QRSL1: variants seen among roughly 807,000 people sequenced by gnomAD.
QRSL1 encodes glutamyl-tRNA(Gln) amidotransferase subunit A, mitochondrial.
In QRSL1, 54 loss-of-function variants were observed where a neutral mutation model predicts 61.6. The ratio of observed to expected loss-of-function variants is 0.88; its 90% confidence interval spans 0.70 to 1.10. The LOEUF (loss-of-function observed/expected upper bound fraction) is 1.10. Ranked by LOEUF, QRSL1 falls within the 50% of genes least tolerant of loss-of-function variation. The pLI, the probability that QRSL1 is intolerant of heterozygous loss-of-function variation, is 0.00. For missense variants in QRSL1, 505 were observed against 622.6 expected (o/e 0.81, Z 2.01); for synonymous variants, 228 against 225.7 (o/e 1.01, Z -0.09).
chr6:106,644,607 G>A (rs1373840520), intron 4 of QRSL1, among the ~76,000 whole-genome samples: 2 of 152,008 alleles, frequency 1.3e-5, no homozygotes, highest in African/African-American at 4.8e-5. Context: ...TACAACCTCC[G>A]CCTCCCAGGT....
Position 106,652,207 on chromosome 6 carries a change from A to G in QRSL1, c.558-2A>G. On this transcript the variant is annotated splice_acceptor_variant, in intron 5 of 10. Coordinates refer to ENST00000369046, the MANE Select transcript of QRSL1 (RefSeq NM_018292.5). LOFTEE classifies it high-confidence loss of function. ...CTAAAGATAATTCCATTTAAATTCCAGGGCTTTAGGATCAGATACAGGAGG... is the reference window on the plus strand; with the variant it reads ...CTAAAGATAATTCCATTTAAATTCCGGGGCTTTAGGATCAGATACAGGAGG... The G allele has an allele frequency of 6.2e-7, 1 of 1,606,688 alleles. No homozygotes were observed. Among genetic ancestry groups the G allele is most frequent in the Non-Finnish European group, 8.5e-7 (1 of 1,176,366 alleles).
At chr6:106,651,619 G>C (rs1272927466) in intron 5 of QRSL1, among the ~76,000 whole-genome samples, 1 of 152,040 alleles carries the variant, frequency 6.6e-6, no homozygotes, top group Admixed American at 6.6e-5. Flanking sequence ...ATTCTAGTTA[G>C]AAACAACGTA....
At chr6:106,649,641 G>GA (rs1211417183) in intron 5 of QRSL1, among the ~76,000 whole-genome samples, 1 of 151,942 alleles carries the variant, frequency 6.6e-6, no homozygotes, top group Non-Finnish European at 1.5e-5. Context: ...TGAAAAAAAA[G>GA]AAAAAATGCT....
Position 106,654,886 on chromosome 6 carries a change from G to A in QRSL1, c.1006G>A (p.Ala336Thr). 1 of 1,609,166 alleles carries A rather than the reference G, an allele frequency of 6.2e-7. No individual in the cohort carries two copies. The change falls in exon 8 of 11, where the codon GCA (alanine) becomes ACA (threonine). Residue 336 changes from alanine (A) to threonine (T), a missense_variant. Physicochemically the swap from Ala to Thr is moderately conservative, Grantham distance 58. Coordinates refer to ENST00000369046, the MANE Select transcript of QRSL1 (RefSeq NM_018292.5). The part of the protein sequence containing the change: ...CYHVLCTSEV[A>T]SNMARFDGLQ... ...CCATGTATTGTGCACATCAGAAGTGGCATCGAATATGGCAAGATTTGATGG... is the reference window on the plus strand; with the variant it reads ...CCATGTATTGTGCACATCAGAAGTGACATCGAATATGGCAAGATTTGATGG...
At position 106,631,151 on chromosome 6, in the gene QRSL1, G is replaced by A. The variant is rs370531057; in HGVS notation, c.24+1446G>A. ...TGAGGCAGGAGAATGGCGTGAACCC[G>A]GGAGGCGGAGCTTGCAGTGAGCCAA... On this transcript the variant is annotated intron_variant, in intron 1 of 10. Transcript: ENST00000369046. Among the ~76,000 whole-genome samples the A allele has an allele frequency of 2.6e-5, 4 of 151,992 alleles. No homozygotes were observed. In the East Asian group the frequency reaches 5.8e-4, roughly 22 times the overall value.
chr6:106,654,754 A>T lies in QRSL1; in HGVS notation c.874A>T (p.Ser292Cys). ...GGAATATCTTGTACCGGAATTATCA[A>T]GTGAAGTACAGTCTCTTTGGTCCAA... The part of the protein sequence containing the change: ...PKEYLVPELS[S>C]EVQSLWSKAA... Residue 292 changes from serine (S) to cysteine (C), a missense_variant, in exon 8 of 11, where the codon AGT becomes TGT. Transcript: ENST00000369046. The T allele has an allele frequency of 1.2e-6, 2 of 1,609,832 alleles. No homozygotes were observed. The highest frequency in any genetic ancestry group is 1.7e-6 in the Non-Finnish European group (2 of 1,179,150).
In QRSL1 at chr6:106,657,594, A is replaced by G. The variant is rs538258905; in HGVS notation, c.1160+1862A>G. On this transcript the variant is annotated intron_variant, in intron 9 of 10. Transcript: ENST00000369046. Reference sequence around the variant, plus strand: ...AGTTAAAATTACTGCTGGTATCCCTAGCTCCTGAGTCAGTGCCAAGTTGGG... The same window carrying G: ...AGTTAAAATTACTGCTGGTATCCCTGGCTCCTGAGTCAGTGCCAAGTTGGG... 2.0e-5 allele frequency among the ~76,000 whole-genome samples: 3 copies of G among 152,348 alleles called. No individual in the cohort carries two copies. The South Asian group carries it at 6.2e-4, about 32-fold the overall frequency.
At chr6:106,665,755 A>AC (rs1777422466) in intron 10 of QRSL1, 27 bp from the exon 11 acceptor site, 1 of 1,585,294 alleles carries the variant, frequency 6.3e-7, no homozygotes, top group South Asian at 1.1e-5. Context: ...AGAATTAATC[A>AC]CCTACTGGGT....
chr6:106,662,748 A>G (rs1311690421), intron 9 of QRSL1, among the ~76,000 whole-genome samples: 2 of 152,182 alleles, frequency 1.3e-5, no homozygotes, highest in Non-Finnish European at 2.9e-5. Flanking sequence ...GCTCTGCTTC[A>G]TCCCCAAACT....
intron 7 of QRSL1, chr6:106,652,817 C>T (rs1777210602): frequency 1.4e-6 from 2 of 1,409,398 alleles, no homozygotes; most frequent in Non-Finnish European, 1.9e-6. Flanking sequence ...CATGTTAAGT[C>T]TGTAAATTGT....
chr6:106,634,290 G>A (rs1562163342), intron 1 of QRSL1, among the ~76,000 whole-genome samples: 1 of 152,204 alleles, frequency 6.6e-6, no homozygotes, highest in African/African-American at 2.4e-5. Flanking sequence ...AGGTTAGGGA[G>A]ACAGGTAGGA....
Position 106,667,707 on chromosome 6 carries a change from A to G in QRSL1, c.*1705A>G, listed in dbSNP as rs1777464092. The stretch of plus-strand genomic sequence containing the variant: ...ATACTCAACCTGATTAACTTCACAT[A>G]AAAGTCTTATGTGCCAGGCTTAGTA... On this transcript the variant is annotated 3_prime_UTR_variant, in exon 11 of 11. Transcript: ENST00000369046. 3 of 152,228 alleles carry G rather than the reference A, an allele frequency of 2.0e-5. No homozygotes were observed. The highest frequency in any genetic ancestry group is 4.2e-4 in the South Asian group (2 of 4,816). 9.4% of individuals were successfully genotyped at this position (152,228 alleles called of 1,614,324 possible). A position where few individuals can be genotyped will look rare whatever the true frequency, so the allele number is the denominator to read the frequency against.
chr6:106,642,961 T>TA (rs761439533), intron 3 of QRSL1, 33 bp from the exon 4 acceptor site: 84 of 1,417,154 alleles, frequency 5.9e-5, no homozygotes, highest in East Asian at 2.7e-4. Context: ...TTCTGGACTG[T>TA]AAAAAAAATA....
rs1777382383 is a variant in QRSL1, at chr6:106,663,074, C to G, written c.1255C>G (p.Leu419Val). Residue 419 changes from leucine to valine, a missense_variant, in exon 10 of 11, where the codon CTA becomes GTA. Physicochemically the swap from Leu to Val is conservative, Grantham distance 32. Transcript: ENST00000369046. ...TTTTAACTCTGGAGTAGATGTCTTG[C>G]TAACTCCCACCACCTTGAGTGAGGC... The part of the protein sequence containing the change: ...NAFNSGVDVL[L>V]TPTTLSEAVP... 1 of 1,613,008 alleles carries G rather than the reference C, an allele frequency of 6.2e-7. No individual in the cohort carries two copies. Among genetic ancestry groups the G allele is most frequent in the African/African-American group, 1.3e-5 (1 of 74,888 alleles).
At chr6:106,640,790 C>T in intron 2 of QRSL1, 33 bp from the exon 3 acceptor site, 2 of 1,529,796 alleles carry the variant, frequency 1.3e-6, no homozygotes, top group South Asian at 2.3e-5. Flanking sequence ...TTTAAACTAT[C>T]TCCTTTATCA....
At position 106,640,913 on chromosome 6, in the gene QRSL1, T is replaced by C. The variant is rs766810469; in HGVS notation, c.275T>C (p.Met92Thr). The change falls in exon 3 of 11, where the codon ATG (methionine) becomes ACG (threonine). Residue 92 changes from methionine (M) to threonine (T), a missense_variant. Physicochemically the swap from Met to Thr is moderately conservative, Grantham distance 81. Coordinates refer to ENST00000369046, the MANE Select transcript of QRSL1 (RefSeq NM_018292.5). Reference sequence around the variant, plus strand: ...ATTGAGACAACATGTGCATCAAATATGCTGAAAGGTAAAGTTTAACTGATC... The same window carrying C: ...ATTGAGACAACATGTGCATCAAATACGCTGAAAGGTAAAGTTTAACTGATC... ...SGIETTCASN[M>T]LKGYIPPYNA... The C allele has an allele frequency of 3.8e-5, 61 of 1,611,986 alleles. No homozygotes were observed. Among genetic ancestry groups the C allele is most frequent in the Non-Finnish European group, 4.9e-5 (58 of 1,178,520 alleles).
intron 8 of QRSL1, among the ~76,000 whole-genome samples, chr6:106,655,131 G>A (rs1777246911): frequency 6.6e-6 from 1 of 152,182 alleles, no homozygotes; most frequent in African/African-American, 2.4e-5. Context: ...TCTCAGGACT[G>A]TGAATAACTC....
At chr6:106,662,452 A>ATGG (rs1172906174) in intron 9 of QRSL1, among the ~76,000 whole-genome samples, 1 of 151,554 alleles carries the variant, frequency 6.6e-6, no homozygotes, top group Non-Finnish European at 1.5e-5. Context: ...AAGAATCTTA[A>ATGG]TGGTGCCTCC....
chr6:106,652,677 T>C lies in QRSL1; in HGVS notation c.849+95T>C, dbSNP rs1355969303. 1.9e-6 allele frequency: 3 copies of C among 1,573,964 alleles called. No homozygotes were observed. In the South Asian group the frequency reaches 3.5e-5, roughly 18 times the overall value. ...GGATTGGGTGGGTTTGAATCTCTGCTCTGCCACTTTTATTAATCATGTGAG... is the reference window on the plus strand; with the variant it reads ...GGATTGGGTGGGTTTGAATCTCTGCCCTGCCACTTTTATTAATCATGTGAG... On this transcript the variant is annotated intron_variant, in intron 7 of 10. Coordinates refer to ENST00000369046, the MANE Select transcript of QRSL1 (RefSeq NM_018292.5).
Sources: gnomAD v4.1 joint callset for allele counts (sites outside exome capture counted in the v4.1 genomes callset) on GRCh38, gnomAD v4.1.1 for gene constraint, MANE v1.5 for transcripts, NCBI Gene and HGNC (gene_info 2026-07-23, HGNC 2026-07-21) for gene names.